The following SCFD2 variants were observed in gnomAD, a reference collection of about 807,000 sequenced individuals.
SCFD2 encodes sec1 family domain containing 2.
SCFD2 carries 54 observed loss-of-function variants against 58.9 expected under a neutral mutation model. The ratio of observed to expected loss-of-function variants is 0.92; its 90% confidence interval spans 0.74 to 1.15. The LOEUF (loss-of-function observed/expected upper bound fraction) is 1.15. SCFD2 is among the 50% of genes most tolerant of loss of function. SCFD2 has a pLI of 0.00. For synonymous variants in SCFD2, 321 were observed against 335.9 expected (o/e 0.96, Z 0.49); for missense variants, 805 against 836.6 (o/e 0.96, Z 0.47).
intron 5 of SCFD2, among the ~76,000 whole-genome samples, chr4:52,966,161 C>T (rs540624006): frequency 5.3e-5 from 8 of 152,294 alleles, no homozygotes; most frequent in East Asian, 1.9e-4. Flanking sequence ...TGCCTCATGC[C>T]CTGCACCATT....
intron 4 of SCFD2, among the ~76,000 whole-genome samples, chr4:53,247,884 A>AAT (rs1308121999): frequency 6.6e-6 from 1 of 151,014 alleles, no homozygotes; most frequent in Non-Finnish European, 1.5e-5. Context: ...AAAAAAAAAA[A>AAT]AAAAAAAAAT....
At chr4:53,257,126 C>CAG (rs397815013) in intron 4 of SCFD2, among the ~76,000 whole-genome samples, 2 of 151,794 alleles carry the variant, frequency 1.3e-5, no homozygotes, top group Middle Eastern at 3.4e-3. Flanking sequence ...CACACACACA[C>CAG]GAAGCCAAAT....
chr4:53,064,896 G>T lies in SCFD2; in HGVS notation c.1561+80437C>A, dbSNP rs182710152. 5.9e-5 allele frequency among the ~76,000 whole-genome samples: 9 copies of T among 152,172 alleles called. No individual in the cohort carries two copies. The East Asian group carries it at 7.7e-4, about 13-fold the overall frequency. On this transcript the variant is annotated intron_variant, in intron 5 of 8. Transcript: ENST00000401642. ...TGTAAAGTACCTAGCTCAGTGTCTG[G>T]CATGTAGAAAGTACTCAATCAATTA...
chr4:53,335,453 C>T (rs6554091), intron 2 of SCFD2, among the ~76,000 whole-genome samples: 86,492 of 151,928 alleles, frequency 0.57, 24,957 homozygotes, highest in Middle Eastern at 0.66. Flanking sequence ...GACATCCTTT[C>T]GCTTTTACAA....
chr4:53,215,123 C>G (rs1728772383), intron 4 of SCFD2, among the ~76,000 whole-genome samples: 1 of 152,060 alleles, frequency 6.6e-6, no homozygotes, highest in Non-Finnish European at 1.5e-5. Context: ...TTAGGATTGA[C>G]TTGGCAATGC....
intron 5 of SCFD2, among the ~76,000 whole-genome samples, chr4:52,958,978 T>C (rs1577860285): frequency 6.6e-6 from 1 of 152,150 alleles, no homozygotes. Flanking sequence ...CCAATAACTC[T>C]TGACAATTGG....
At chr4:53,248,511 T>G (rs1345833033) in intron 4 of SCFD2, among the ~76,000 whole-genome samples, 1 of 152,202 alleles carries the variant, frequency 6.6e-6, no homozygotes, top group Non-Finnish European at 1.5e-5. Context: ...CTCTGCAGAC[T>G]TAAATGTCCC....
At chr4:53,353,075 G>A (rs776416351) in intron 1 of SCFD2, among the ~76,000 whole-genome samples, 9 of 152,152 alleles carry the variant, frequency 5.9e-5, no homozygotes, top group Non-Finnish European at 1.2e-4. Context: ...GAATGAAGCC[G>A]CAGACCCTCA....
intron 3 of SCFD2, among the ~76,000 whole-genome samples, chr4:53,283,220 T>G (rs1731560136): frequency 6.6e-6 from 1 of 152,252 alleles, no homozygotes; most frequent in Non-Finnish European, 1.5e-5. Flanking sequence ...ATTTTTTGTC[T>G]AGTTTTAAAC....
At chr4:53,159,992 A>C (rs2148926183) in intron 4 of SCFD2, among the ~76,000 whole-genome samples, 1 of 152,376 alleles carries the variant, frequency 6.6e-6, no homozygotes, top group Middle Eastern at 3.4e-3. Flanking sequence ...ACAGGGTAGA[A>C]ATGGTCTCCA....
chr4:53,133,482 G>A (rs1725853354), intron 5 of SCFD2, among the ~76,000 whole-genome samples: 2 of 152,044 alleles, frequency 1.3e-5, no homozygotes, highest in African/African-American at 2.4e-5. Flanking sequence ...TAAACAAAAC[G>A]TCCATGCCTT....
chr4:53,280,063 T>C (rs1731459556), intron 3 of SCFD2, among the ~76,000 whole-genome samples: 1 of 152,234 alleles, frequency 6.6e-6, no homozygotes, highest in Non-Finnish European at 1.5e-5. Context: ...AAATTATAGC[T>C]TTCTCAATCT....
intron 5 of SCFD2, among the ~76,000 whole-genome samples, chr4:52,928,862 A>G (rs961357647): frequency 1.3e-5 from 2 of 152,016 alleles, no homozygotes; most frequent in Non-Finnish European, 2.9e-5. Flanking sequence ...TAAATAGGTG[A>G]ATGGGGAAAA....
chr4:52,919,348 C>T (rs918955342), intron 6 of SCFD2, among the ~76,000 whole-genome samples: 1 of 152,220 alleles, frequency 6.6e-6, no homozygotes, highest in African/African-American at 2.4e-5. Context: ...AACTAGTCCA[C>T]ATTATAGTAT....
chr4:52,961,439 G>C (rs1384338668), intron 5 of SCFD2, among the ~76,000 whole-genome samples: 1 of 152,144 alleles, frequency 6.6e-6, no homozygotes, highest in East Asian at 1.9e-4. Context: ...ACCTATCCCT[G>C]GCCTTTTATT....
chr4:53,241,150 G>T (rs960873664), intron 4 of SCFD2, among the ~76,000 whole-genome samples: 1 of 152,192 alleles, frequency 6.6e-6, no homozygotes, highest in African/African-American at 2.4e-5. Flanking sequence ...TAGGCTTCTG[G>T]AATCCTGGCA....
chr4:53,278,471 A>G (rs1425510419), intron 3 of SCFD2, among the ~76,000 whole-genome samples: 1 of 151,688 alleles, frequency 6.6e-6, no homozygotes, highest in Non-Finnish European at 1.5e-5. Flanking sequence ...GAACCTGGGA[A>G]GTGGCCAAGA....
intron 6 of SCFD2, among the ~76,000 whole-genome samples, chr4:52,918,764 T>C (rs1446087086): frequency 5.3e-5 from 8 of 152,190 alleles, no homozygotes; most frequent in African/African-American, 1.9e-4. Flanking sequence ...GCCACCCAAT[T>C]GATCATGGAC....
intron 5 of SCFD2, among the ~76,000 whole-genome samples, chr4:53,037,112 A>G (rs1722783558): frequency 6.6e-6 from 1 of 152,194 alleles, no homozygotes; most frequent in African/African-American, 2.4e-5. Context: ...TAAAAAGTAA[A>G]TAAAGATTAA....
Sources: allele counts gnomAD v4.1 joint callset (sites outside exome capture counted in the v4.1 genomes callset), GRCh38; gene constraint gnomAD v4.1.1; transcripts MANE v1.5; gene names NCBI Gene and HGNC (gene_info 2026-07-23, HGNC 2026-07-21).